The following SSRP1 variants were observed in gnomAD, a reference collection of about 807,000 sequenced individuals.
SSRP1 encodes structure specific recognition protein 1, also known as FACT complex subunit SSRP1.
Under a neutral mutation model 84.4 loss-of-function variants are expected in SSRP1, and 21 were observed. The observed-to-expected ratio is 0.25, with a 90% CI of 0.18 to 0.36. The LOEUF (loss-of-function observed/expected upper bound fraction) is 0.36. Among genes scored for constraint, SSRP1 ranks in the 10% least tolerant of loss-of-function variants. The probability of loss-of-function intolerance (pLI) is 1.00; values close to 1 mark genes in which losing one functional copy is unlikely to be tolerated. For synonymous variants in SSRP1, 319 were observed against 318.3 expected, an observed-to-expected ratio of 1.00 and a Z score of -0.02; for missense variants, 519 against 900.8, an observed-to-expected ratio of 0.58 and a Z score of 5.43.
rs1441454860 is a variant in SSRP1, at chr11:57,332,015, G to A, written c.1002-126C>T. 1.3e-6 allele frequency: 2 copies of A among 1,518,386 alleles called. No homozygotes were observed. Among genetic ancestry groups the A allele is most frequent in the East Asian group, 2.3e-5 (1 of 43,664 alleles). The allele number at this position is 1,518,386 out of a possible 1,614,324, so 94.1% of individuals were successfully genotyped here. The stretch of plus-strand genomic sequence containing the variant: ...AACCTCACTGAGCTGTTCTGACAGA[G>A]GCGCTGGCACCTATTGTGACACAAG... On this transcript the variant is annotated intron_variant, in intron 8 of 16. Transcript: ENST00000278412. The surrounding 1 kb of genome is among the most constrained non-coding windows in gnomAD (Gnocchi z 5.5).
chr11:57,332,667 C>T lies in SSRP1; in HGVS notation c.726G>A (p.Leu242=). 4 of 1,613,918 alleles carry T rather than the reference C, an allele frequency of 2.5e-6. No homozygotes were observed. Among genetic ancestry groups the T allele is most frequent in the Non-Finnish European group, 1.7e-6 (2 of 1,179,904 alleles). The stretch of plus-strand genomic sequence containing the variant: ...GCTGGTCCTTGTGGGGTAACAAAAA[C>T]AGACGCAGTACTGTGGTGTAGGGGA... ...YKIPYTTVLR[L]FLLPHKDQRQ... is the part of the protein sequence containing the mutation. The change falls in exon 6 of 17, where the codon CTG becomes CTA. Residue 242 remains leucine (L), a synonymous_variant. Transcript: ENST00000278412. This position sits in a 1 kb window ranked among gnomAD's most constrained non-coding sequence, Gnocchi z 5.5.
At chr11:57,333,364 C>T (rs749433643) in intron 4 of SSRP1, 71 bp downstream of exon 4, 30 of 1,401,040 alleles carry the variant, frequency 2.1e-5, no homozygotes, top group Non-Finnish European at 2.9e-5. Context: ...GGGAAAAGAG[C>T]AAAACAAGTA....
In SSRP1 at chr11:57,332,042, T is replaced by G. The variant is rs1856102925; in HGVS notation, c.1001+110A>C. ...CGCTGGCACCTATTGTGACACAAGG[T>G]CCCATCCAGGCCTCTAGGAGGCCGC... On this transcript the variant is annotated intron_variant, in intron 8 of 16. Transcript: ENST00000278412. The surrounding 1 kb of genome is among the most constrained non-coding windows in gnomAD (Gnocchi z 5.5). 6.4e-7 allele frequency: 1 copy of G among 1,567,166 alleles called. No individual in the cohort carries two copies.
Position 57,332,351 on chromosome 11 carries a change from G to A in SSRP1, c.872+32C>T, listed in dbSNP as rs1431595881. 3 of 1,613,734 alleles carry A rather than the reference G, an allele frequency of 1.9e-6. No individual in the cohort carries two copies. In the Admixed American group the frequency reaches 5.0e-5, roughly 27 times the overall value. On this transcript the variant is annotated intron_variant, in intron 7 of 16. Coordinates refer to ENST00000278412, the MANE Select transcript of SSRP1 (RefSeq NM_003146.3). This position sits in a 1 kb window ranked among gnomAD's most constrained non-coding sequence, Gnocchi z 5.5. ...GGCACACCTGTCTCCTGCCTGGACAGTGGTAGGAAACGAGTCCAGGGAGAC... is the reference window on the plus strand; with the variant it reads ...GGCACACCTGTCTCCTGCCTGGACAATGGTAGGAAACGAGTCCAGGGAGAC...
chr11:57,327,601 G>T, intron 14 of SSRP1, 87 bp from the exon 15 acceptor site: 14 of 1,602,982 alleles, frequency 8.7e-6, no homozygotes, highest in Non-Finnish European at 1.1e-5. Context: ...GATACAGAAA[G>T]TCCCACCAAT....
intron 12 of SSRP1, chr11:57,328,729 C>G (rs773126731): frequency 2.0e-4 from 55 of 277,832 alleles, no homozygotes; most frequent in Non-Finnish European, 3.0e-4. Context: ...CTAGTCCATC[C>G]CCAGGACACC....
Position 57,330,438 on chromosome 11 carries a change from G to A in SSRP1, c.1297-9C>T, listed in dbSNP as rs376478315. On this transcript the variant is annotated splice_polypyrimidine_tract_variant and intron_variant, in intron 10 of 16. Transcript: ENST00000278412. This position sits in a 1 kb window ranked among gnomAD's most constrained non-coding sequence, Gnocchi z 4.0. ...TAGCTTGGGTTCATGCCCTAGCCAG[G>A]GAAGAGTTCACGGTGGGGCCAACTC... is the stretch of plus-strand genomic sequence containing the variant. 2.0e-5 allele frequency: 33 copies of A among 1,613,450 alleles called. 1 individual carries two copies. The African/African-American group carries it at 4.0e-4, about 20-fold the overall frequency.
In SSRP1 at chr11:57,330,600, G is replaced by T. The variant is rs1856069292; in HGVS notation, c.1297-171C>A. The T allele has an allele frequency of 1.4e-6, 2 of 1,428,260 alleles. No homozygotes were observed. The highest frequency in any genetic ancestry group is 5.0e-5 in the East Asian group (2 of 40,246). The allele number at this position is 1,428,260 out of a possible 1,614,324, so 88.5% of individuals were successfully genotyped here. On this transcript the variant is annotated intron_variant, in intron 10 of 16. Transcript: ENST00000278412. The surrounding 1 kb of genome is among the most constrained non-coding windows in gnomAD (Gnocchi z 4.0). ...CAGGGCCTATGCCCAAGTACTTCCT[G>T]CCAACTGGGTTAGTCCAAGCCCCAA...
intron 15 of SSRP1, 78 bp downstream of exon 15, chr11:57,327,348 A>C: frequency 3.5e-6 from 5 of 1,422,302 alleles, no homozygotes; most frequent in South Asian, 2.3e-5. Context: ...TTAACTTTCC[A>C]ATGCTCAACT....
At chr11:57,327,032 G>A (rs11602265) in intron 15 of SSRP1, 143 bp from the exon 16 acceptor site, 202,756 of 1,413,358 alleles carry the variant, frequency 0.14, 15,522 homozygotes, top group Non-Finnish European at 0.16. Context: ...CGTCAGCCTG[G>A]AGGGCACCAA....
At position 57,335,088 on chromosome 11, in the gene SSRP1, G is replaced by A. The variant is rs1483648908; in HGVS notation, c.34C>T (p.Gln12Ter). The change falls in exon 2 of 17, where the codon CAG becomes TAG. Residue 12 changes from glutamine (Q) to a stop codon, truncating the protein, a stop_gained. Transcript: ENST00000278412. LOFTEE classifies it high-confidence loss of function. The surrounding 1 kb of genome is among the most constrained non-coding windows in gnomAD (Gnocchi z 4.6). The part of the protein sequence containing the change: ...AETLEFNDVY[Q>*]EVKGSMNDGR... ...CTCACCATGGAACCTTTCACCTCCTGATAGACGTCGTTGAACTCCAGTGTC... is the reference window on the plus strand; with the variant it reads ...CTCACCATGGAACCTTTCACCTCCTAATAGACGTCGTTGAACTCCAGTGTC... The A allele has an allele frequency of 6.2e-7, 1 of 1,613,984 alleles. No individual in the cohort carries two copies. The highest frequency in any genetic ancestry group is 8.5e-7 in the Non-Finnish European group (1 of 1,180,008).
intron 8 of SSRP1, 70 bp from the exon 9 acceptor site, chr11:57,331,959 C>T (rs1423042850): frequency 4.7e-6 from 7 of 1,504,052 alleles, no homozygotes; most frequent in Middle Eastern, 2.3e-4. Context: ...CTAGCAGCAG[C>T]GACACGAGTG....
Position 57,328,335 on chromosome 11 carries a change from T to C in SSRP1, c.1573A>G (p.Met525Val). 6.2e-7 allele frequency: 1 copy of C among 1,614,158 alleles called. No homozygotes were observed. Among genetic ancestry groups the C allele is most frequent in the Non-Finnish European group, 8.5e-7 (1 of 1,179,988 alleles). The change falls in exon 13 of 17, where the codon ATG becomes GTG. Residue 525 changes from methionine (M) to valine (V), a missense_variant. Met to Val is a conservative substitution (Grantham distance 21, BLOSUM62 1). Around this residue, in one of 7 missense-constraint regions of SSRP1, gnomAD observed 197 missense variants for 265.0 expected, o/e 0.74. Coordinates refer to ENST00000278412, the MANE Select transcript of SSRP1 (RefSeq NM_003146.3). ...TTGCGGCTCTTGCGGTCCTTGGCCATCTTGGCCTTTTTGAGCTGTTTCCGC... is the reference window on the plus strand; with the variant it reads ...TTGCGGCTCTTGCGGTCCTTGGCCACCTTGGCCTTTTTGAGCTGTTTCCGC... The part of the protein sequence containing the change: ...KKRKQLKKAK[M>V]AKDRKSRKKP...
In SSRP1 at chr11:57,326,280, C is replaced by G; in HGVS notation, c.*127G>C. 1 of 876,272 alleles carries G rather than the reference C, an allele frequency of 1.1e-6. No homozygotes were observed. Among genetic ancestry groups the G allele is most frequent in the South Asian group, 1.5e-5 (1 of 68,338 alleles). 54.3% of individuals were successfully genotyped at this position (876,272 alleles called of 1,614,324 possible). ...ACTGCCCTAGTGACATACACACCAA[C>G]AGGAGAGCATGTTCAGATGGCACAG... On this transcript the variant is annotated 3_prime_UTR_variant, in exon 17 of 17. Coordinates refer to ENST00000278412, the MANE Select transcript of SSRP1 (RefSeq NM_003146.3).
rs1300772771 is a variant in SSRP1, at chr11:57,335,081, A to G, written c.41T>C (p.Val14Ala). Residue 14 changes from valine (V) to alanine (A), a missense_variant, in exon 2 of 17, where the codon GTG (valine) becomes GCG (alanine). Val to Ala is a moderately conservative substitution (Grantham distance 64). Around this residue, in one of 7 missense-constraint regions of SSRP1, gnomAD observed 88 missense variants for 122.0 expected, o/e 0.72. Coordinates refer to ENST00000278412, the MANE Select transcript of SSRP1 (RefSeq NM_003146.3). The surrounding 1 kb of genome is among the most constrained non-coding windows in gnomAD (Gnocchi z 4.6). ...AGCCATTCTCACCATGGAACCTTTC[A>G]CCTCCTGATAGACGTCGTTGAACTC... Reference protein sequence around the residue: ...TLEFNDVYQEVKGSMNDGRLR... With the variant: ...TLEFNDVYQEAKGSMNDGRLR... 6.2e-7 allele frequency: 1 copy of G among 1,613,576 alleles called. No homozygotes were observed. Among genetic ancestry groups the G allele is most frequent in the South Asian group, 1.1e-5 (1 of 91,056 alleles).
rs991086329 is a variant in SSRP1 at position 57,335,506 on chromosome 11, T to C, written c.-120+224A>G. On this transcript the variant is annotated intron_variant, in intron 1 of 16. Transcript: ENST00000278412. The surrounding 1 kb of genome is among the most constrained non-coding windows in gnomAD (Gnocchi z 4.6). ...CAACGAGCAGCGGAACCCCAGGGTC[T>C]GCCAGGAGCCCGCACATCGCACGCG... The C allele has an allele frequency of 2.6e-5, 8 of 302,874 alleles. No homozygotes were observed. The highest frequency in any genetic ancestry group is 1.3e-4 in the African/African-American group (6 of 46,550). 18.8% of individuals were successfully genotyped at this position (302,874 alleles called of 1,614,324 possible). A position where few individuals can be genotyped will look rare whatever the true frequency, so the allele number is the denominator to read the frequency against.
chr11:57,326,091 G>T lies in SSRP1; in HGVS notation c.*316C>A, dbSNP rs189308910. On this transcript the variant is annotated 3_prime_UTR_variant, in exon 17 of 17. Coordinates refer to ENST00000278412, the MANE Select transcript of SSRP1 (RefSeq NM_003146.3). ...AGGAGCTACAGGCCTGGCCTCACAT[G>T]ACCCCTGCTCCAGCAACTTGAACAG... 27 of 378,016 alleles carry T rather than the reference G, an allele frequency of 7.1e-5. No homozygotes were observed. Among genetic ancestry groups the T allele is most frequent in the Non-Finnish European group, 1.4e-5 (3 of 207,544 alleles). 23.4% of individuals were successfully genotyped at this position (378,016 alleles called of 1,614,324 possible). A position where few individuals can be genotyped will look rare whatever the true frequency, so the allele number is the denominator to read the frequency against.
intron 12 of SSRP1, chr11:57,329,647 T>G: frequency 5.1e-6 from 1 of 195,088 alleles, no homozygotes; most frequent in South Asian, 1.1e-4. Context: ...AAATTCCCTT[T>G]TATATGTTCC....
Position 57,330,156 on chromosome 11 carries a change from A to T in SSRP1, c.1436-18T>A. On this transcript the variant is annotated intron_variant, in intron 11 of 16. Coordinates refer to ENST00000278412, the MANE Select transcript of SSRP1 (RefSeq NM_003146.3). This position sits in a 1 kb window ranked among gnomAD's most constrained non-coding sequence, Gnocchi z 4.0. ...TGACTCATCTGAAAAAGGGCACAGG[A>T]TGCATCAGCTTCTGCCCCAATGGAA... 1 of 1,614,166 alleles carries T rather than the reference A, an allele frequency of 6.2e-7. No individual in the cohort carries two copies. Among genetic ancestry groups the T allele is most frequent in the Non-Finnish European group, 8.5e-7 (1 of 1,180,036 alleles).
Sources: gnomAD v4.1 joint callset for allele counts on GRCh38, gnomAD v4.1.1 for gene constraint, gnomAD v4.1.1 regional missense constraint, Gnocchi (gnomAD v3.1) non-coding constraint, MANE v1.5 for transcripts, NCBI Gene and HGNC (gene_info 2026-07-23, HGNC 2026-07-21) for gene names.